The following SLC9A4 variants were observed in gnomAD, a reference collection of about 807,000 sequenced individuals.
The protein encoded by SLC9A4 is solute carrier family 9 member A4.
Under a neutral mutation model 67.4 loss-of-function variants are expected in SLC9A4, and 63 were observed. The ratio of observed to expected loss-of-function variants is 0.93; its 90% CI spans 0.76 to 1.15. The LOEUF is 1.15. Ranked by LOEUF, SLC9A4 falls within the 50% of genes most tolerant of loss-of-function variation. The pLI is 0.00. For missense variants in SLC9A4, 1,089 were observed against 987.7 expected, an observed-to-expected ratio of 1.10 and a Z score of -1.38; for synonymous variants, 393 against 367.2, an observed-to-expected ratio of 1.07 and a Z score of -0.80.
rs749354454 is a variant in SLC9A4, at chr2:102,526,214, T to C, written c.1951-45T>C. The C allele has an allele frequency of 1.9e-6, 3 of 1,590,818 alleles. No homozygotes were observed. The Admixed American group carries it at 5.0e-5, about 27-fold the overall frequency. On this transcript the variant is annotated intron_variant, in intron 10 of 11. Transcript: ENST00000295269. ...TTTATTTGCCATGTGAAGCTCTTAA[T>C]TGAGACAGCTTATTCTGCTTTTTCT...
chr2:102,479,948 G>A (rs1204928881), intron 2 of SLC9A4, among the ~76,000 whole-genome samples: 1 of 152,186 alleles, frequency 6.6e-6, no homozygotes, highest in Non-Finnish European at 1.5e-5. Flanking sequence ...TAGGCTGGGG[G>A]TGCTGGAATA....
chr2:102,526,031 G>A (rs1388619419), intron 10 of SLC9A4, among the ~76,000 whole-genome samples: 1 of 152,038 alleles, frequency 6.6e-6, no homozygotes, highest in East Asian at 1.9e-4. Flanking sequence ...GGGATTACAG[G>A]TGCCCGTCTC....
rs1303060220 is a variant in SLC9A4 at position 102,477,911 on chromosome 2, C to T, written c.257-928C>T. ...TGTTCAATATACCCTTCATTATATA[C>T]TTACATGTCATCTTCTTCTTTGTTC... is the stretch of plus-strand genomic sequence containing the variant. On this transcript the variant is annotated intron_variant, in intron 1 of 11. Coordinates refer to ENST00000295269, the MANE Select transcript of SLC9A4 (RefSeq NM_001011552.4). Among the ~76,000 whole-genome samples the T allele has an allele frequency of 2.0e-4, 31 of 152,242 alleles. 2 individuals are homozygous for T. Among genetic ancestry groups the T allele is most frequent in the Non-Finnish European group, 1.5e-5 (1 of 68,046 alleles).
intron 2 of SLC9A4, among the ~76,000 whole-genome samples, chr2:102,483,408 G>T (rs1684508815): frequency 6.6e-6 from 1 of 152,186 alleles, no homozygotes; most frequent in Non-Finnish European, 1.5e-5. Context: ...CCTTCTTGGG[G>T]GCAGCAGTCA....
rs752991505 is a variant in SLC9A4, at chr2:102,514,145, C to T, written c.1615C>T (p.Pro539Ser). 1.2e-6 allele frequency: 2 copies of T among 1,613,912 alleles called. No homozygotes were observed. Among genetic ancestry groups the T allele is most frequent in the African/African-American group, 2.7e-5 (2 of 74,898 alleles). ...GAAAATCCTCATCAGAAAGAACCTA[C>T]CCAAATCAAGCATTGTTTCTTTGTA... The part of the protein sequence containing the change: ...LRKILIRKNL[P>S]KSSIVSLYKK... Residue 539 changes from proline (P) to serine (S), a missense_variant, in exon 8 of 12, where the codon CCC becomes TCC. Transcript: ENST00000295269.
chr2:102,485,843 C>T (rs1227181502), intron 2 of SLC9A4, among the ~76,000 whole-genome samples: 6 of 152,166 alleles, frequency 3.9e-5, no homozygotes, highest in African/African-American at 1.2e-4. Flanking sequence ...TAACTGTCAC[C>T]GCCAAACTTC....
At chr2:102,506,811 T>C (rs780157060) in intron 4 of SLC9A4, among the ~76,000 whole-genome samples, 18 of 152,002 alleles carry the variant, frequency 1.2e-4, no homozygotes, top group East Asian at 3.9e-4. Context: ...AACCTCAACA[T>C]TGTTAATCCT....
chr2:102,479,507 A>C lies in SLC9A4; in HGVS notation c.720+205A>C, dbSNP rs781284970. 2.0e-5 allele frequency among the ~76,000 whole-genome samples: 3 copies of C among 152,202 alleles called. No individual in the cohort carries two copies. In the East Asian group the frequency reaches 5.8e-4, roughly 29 times the overall value. ...TAACGGTTCACTCACACTGCTTGTCATTCACAAACCAACTAGTTTCGTTAA... is the reference window on the plus strand; with the variant it reads ...TAACGGTTCACTCACACTGCTTGTCCTTCACAAACCAACTAGTTTCGTTAA... On this transcript the variant is annotated intron_variant, in intron 2 of 11. Coordinates refer to ENST00000295269, the MANE Select transcript of SLC9A4 (RefSeq NM_001011552.4).
At chr2:102,528,772 C>G (rs1674718615) in intron 11 of SLC9A4, among the ~76,000 whole-genome samples, 1 of 152,158 alleles carries the variant, frequency 6.6e-6, no homozygotes. Context: ...ATATTATTCA[C>G]TAGACTGATA....
intron 2 of SLC9A4, among the ~76,000 whole-genome samples, chr2:102,494,390 A>G (rs1573335692): frequency 6.7e-6 from 1 of 149,372 alleles, no homozygotes; most frequent in East Asian, 1.9e-4. Context: ...CAAGTATTCA[A>G]TAAATAAAAA....
intron 1 of SLC9A4, among the ~76,000 whole-genome samples, chr2:102,475,789 C>T (rs1684317923): frequency 6.6e-6 from 1 of 152,000 alleles, no homozygotes; most frequent in African/African-American, 2.4e-5. Flanking sequence ...ATACTATGTG[C>T]CAATTACTGG....
intron 5 of SLC9A4, among the ~76,000 whole-genome samples, chr2:102,508,606 A>T (rs1280388145): frequency 6.6e-6 from 1 of 152,224 alleles, no homozygotes; most frequent in Non-Finnish European, 1.5e-5. Context: ...TAATGAACTA[A>T]TGAAAGATTA....
At chr2:102,499,804 A>G in intron 2 of SLC9A4, among the ~76,000 whole-genome samples, 1 of 152,212 alleles carries the variant, frequency 6.6e-6, no homozygotes. Context: ...AACAGTGAGC[A>G]CTAATTTATA....
At chr2:102,483,341 C>T (rs558336641) in intron 2 of SLC9A4, among the ~76,000 whole-genome samples, 57 of 152,246 alleles carry the variant, frequency 3.7e-4, no homozygotes, top group Non-Finnish European at 6.9e-4. Flanking sequence ...TACTTGCTGC[C>T]GTCCAGTTGT....
intron 1 of SLC9A4, among the ~76,000 whole-genome samples, chr2:102,477,217 G>T (rs1375079012): frequency 2.0e-5 from 3 of 152,150 alleles, no homozygotes; most frequent in Admixed American, 6.5e-5. Context: ...CAGTTCAAAG[G>T]TTGCTCCAGC....
At position 102,473,970 on chromosome 2, in the gene SLC9A4, T is replaced by A; in HGVS notation, c.211T>A (p.Tyr71Asn). 6.2e-7 allele frequency: 1 copy of A among 1,614,052 alleles called. No individual in the cohort carries two copies. The highest frequency in any genetic ancestry group is 1.1e-5 in the South Asian group (1 of 91,082). The change falls in exon 1 of 12, where the codon TAT (tyrosine) becomes AAT (asparagine). Residue 71 changes from tyrosine to asparagine, a missense_variant. Physicochemically the swap from Tyr to Asn is moderately radical, Grantham distance 143 (BLOSUM62 -2). Transcript: ENST00000295269. ...ELDYDYVQIP[Y>N]EVTLWILLAS... is the part of the protein sequence containing the mutation. Reference sequence around the variant, plus strand: ...GGATTATGACTATGTGCAAATTCCTTATGAGGTCACTCTCTGGATACTTCT... The same window carrying A: ...GGATTATGACTATGTGCAAATTCCTAATGAGGTCACTCTCTGGATACTTCT...
At chr2:102,505,502 G>T (rs1336431660) in intron 4 of SLC9A4, 31 bp downstream of exon 4, 1 of 1,597,560 alleles carries the variant, frequency 6.3e-7, no homozygotes, top group Admixed American at 1.7e-5. Flanking sequence ...AGAGTCTCCG[G>T]TCCTGCTGCA....
chr2:102,495,811 TG>T (rs1684795991), intron 2 of SLC9A4, among the ~76,000 whole-genome samples: 1 of 152,102 alleles, frequency 6.6e-6, no homozygotes, highest in South Asian at 2.1e-4. Context: ...GGTATCCATG[TG>T]GAAAACATGA....
chr2:102,513,962 C>A, intron 7 of SLC9A4, 128 bp from the exon 8 acceptor site: 2 of 1,262,958 alleles, frequency 1.6e-6, no homozygotes, highest in Admixed American at 6.8e-5. Flanking sequence ...GCTATGAATT[C>A]CAGGCACTGT....
Sources: allele counts gnomAD v4.1 joint callset (sites outside exome capture counted in the v4.1 genomes callset), GRCh38; gene constraint gnomAD v4.1.1; transcripts MANE v1.5; gene names NCBI Gene and HGNC (gene_info 2026-07-23, HGNC 2026-07-21).